SPATA13: variants seen among roughly 807,000 people sequenced by gnomAD.
SPATA13 encodes spermatogenesis associated 13.
A neutral mutation model predicts 104.0 loss-of-function variants in SPATA13; 50 were observed. The observed-to-expected ratio is 0.48, with a 90% CI of 0.38 to 0.61. SPATA13 has a LOEUF of 0.61. Ranked by LOEUF, SPATA13 falls within the 20% of genes least tolerant of loss-of-function variation. SPATA13 has a pLI of 0.00. For missense variants in SPATA13, 1,524 were observed against 1,690.6 expected, an observed-to-expected ratio of 0.90 and a Z score of 1.73; for synonymous variants, 606 against 667.5, an observed-to-expected ratio of 0.91 and a Z score of 1.42.
At chr13:24,215,206 T>C (rs534016241) in intron 1 of SPATA13, among the ~76,000 whole-genome samples, 1 of 152,352 alleles carries the variant, frequency 6.6e-6, no homozygotes, top group African/African-American at 2.4e-5. Flanking sequence ...TCATGTCACA[T>C]GACTGTCGTG....
intron 3 of SPATA13, among the ~76,000 whole-genome samples, chr13:24,030,062 ACACG>A (rs1303312014): frequency 4.6e-4 from 37 of 80,396 alleles, no homozygotes; most frequent in Non-Finnish European, 9.9e-4. Context: ...ACACACACAC[ACACG>A]CACACACACA....
intron 3 of SPATA13, among the ~76,000 whole-genome samples, chr13:24,121,896 T>C (rs1339970836): frequency 1.3e-5 from 2 of 152,258 alleles, no homozygotes; most frequent in East Asian, 3.9e-4. Context: ...CTGGTTTCTT[T>C]TCCAGTGCCA....
Position 24,152,603 on chromosome 13 carries a change from G to A in SPATA13, c.-111-70216G>A, listed in dbSNP as rs186130262. Among the ~76,000 whole-genome samples the A allele has an allele frequency of 1.7e-3, 264 of 152,308 alleles. 1 individual carries two copies. Among genetic ancestry groups the A allele is most frequent in the African/African-American group, 6.1e-3 (252 of 41,562 alleles). ...CCAGCCCCACAGCTCCCACATCCCC[G>A]TCTGTGTGACCAGTGCTTTCAATCA... On this transcript the variant is annotated intron_variant, in intron 3 of 14. Coordinates refer to the SPATA13 transcript ENST00000424834.
intron 3 of SPATA13, among the ~76,000 whole-genome samples, chr13:24,066,574 G>A (rs903010093): frequency 3.3e-5 from 5 of 152,128 alleles, no homozygotes; most frequent in African/African-American, 1.2e-4. Flanking sequence ...TCTCAAAGGC[G>A]GGAGTGCCTC....
intron 3 of SPATA13, chr13:24,033,983 T>C (rs1877582992): frequency 6.6e-6 from 1 of 152,244 alleles, no homozygotes; most frequent in South Asian, 2.1e-4. Flanking sequence ...GGAGACCCTT[T>C]ATCTGCATCG....
chr13:24,019,114 A>G, intron 3 of SPATA13, among the ~76,000 whole-genome samples: 1 of 143,678 alleles, frequency 7.0e-6, no homozygotes, highest in Non-Finnish European at 1.5e-5. Flanking sequence ...TTTGAGACGG[A>G]GTCTCGCTCT....
chr13:24,200,198 G>A (rs919674155), intron 1 of SPATA13, among the ~76,000 whole-genome samples: 2 of 152,116 alleles, frequency 1.3e-5, no homozygotes, highest in African/African-American at 4.8e-5. Context: ...TGTGGGAACC[G>A]AGCTCAGAGT....
At chr13:23,992,836 G>A (rs1433566595) in intron 2 of SPATA13, among the ~76,000 whole-genome samples, 1 of 152,198 alleles carries the variant, frequency 6.6e-6, no homozygotes, top group East Asian at 1.9e-4. Context: ...TAGACTGTCC[G>A]AAATAGATGA....
At chr13:24,082,801 T>C (rs998976737) in intron 3 of SPATA13, among the ~76,000 whole-genome samples, 4 of 110,808 alleles carry the variant, frequency 3.6e-5, no homozygotes, top group African/African-American at 1.1e-4. Flanking sequence ...CAGTCCGGCC[T>C]GGGCGACAGA....
chr13:24,054,565 A>T (rs78392586), intron 3 of SPATA13, among the ~76,000 whole-genome samples: 2 of 152,224 alleles, frequency 1.3e-5, no homozygotes, highest in East Asian at 3.9e-4. Context: ...TAACTTTGAC[A>T]TGTAGCAGCA....
chr13:24,177,490 AT>A (rs1292169350), intron 1 of SPATA13, among the ~76,000 whole-genome samples: 1 of 152,014 alleles, frequency 6.6e-6, no homozygotes, highest in Non-Finnish European at 1.5e-5. Context: ...TTTTAATTTA[AT>A]TTTTATTTTT....
intron 2 of SPATA13, among the ~76,000 whole-genome samples, chr13:24,008,873 C>G (rs1224346359): frequency 6.6e-6 from 1 of 152,216 alleles, no homozygotes; most frequent in South Asian, 2.1e-4. Flanking sequence ...AGGCCCCAGA[C>G]AGCCATTCAG....
chr13:24,141,861 A>G (rs1198553797), intron 3 of SPATA13, among the ~76,000 whole-genome samples: 1 of 152,156 alleles, frequency 6.6e-6, no homozygotes, highest in African/African-American at 2.4e-5. Flanking sequence ...CAGGCTAACC[A>G]TTACTTTAGG....
chr13:24,005,436 C>T (rs1453450680), intron 2 of SPATA13, among the ~76,000 whole-genome samples: 1 of 151,930 alleles, frequency 6.6e-6, no homozygotes, highest in Admixed American at 6.6e-5. Flanking sequence ...CAGGGTAAGC[C>T]CAGGACAGGA....
intron 3 of SPATA13, among the ~76,000 whole-genome samples, chr13:24,064,604 G>A (rs181957261): frequency 1.6e-4 from 25 of 152,120 alleles, no homozygotes; most frequent in African/African-American, 6.0e-4. Context: ...CCAGGAAGTA[G>A]GCCCTCACCA....
chr13:23,996,875 C>T (rs955772180), intron 2 of SPATA13, among the ~76,000 whole-genome samples: 2 of 152,176 alleles, frequency 1.3e-5, no homozygotes, highest in East Asian at 3.9e-4. Context: ...TCAGGCTCCC[C>T]AGCCACTCTC....
intron 4 of SPATA13, among the ~76,000 whole-genome samples, chr13:24,275,557 G>C (rs1224174968): frequency 2.0e-5 from 3 of 152,214 alleles, no homozygotes; most frequent in Non-Finnish European, 2.9e-5. Context: ...CTCTCATATT[G>C]ATTGTATGTA....
intron 4 of SPATA13, among the ~76,000 whole-genome samples, chr13:24,280,036 A>G (rs1875380567): frequency 1.3e-5 from 2 of 151,712 alleles, no homozygotes; most frequent in Non-Finnish European, 1.5e-5. Flanking sequence ...TTTTGAGGCA[A>G]AGTCTTGCTC....
At chr13:24,245,362 C>T (rs967730179) in intron 2 of SPATA13, among the ~76,000 whole-genome samples, 7 of 151,630 alleles carry the variant, frequency 4.6e-5, no homozygotes, top group African/African-American at 1.5e-4. Flanking sequence ...CGTCTTTTGG[C>T]GAATAATCAA....
Sources: gnomAD v4.1 joint callset for allele counts (sites outside exome capture counted in the v4.1 genomes callset) on GRCh38, gnomAD v4.1.1 for gene constraint, MANE v1.5 for transcripts, NCBI Gene and HGNC (gene_info 2026-07-23, HGNC 2026-07-21) for gene names.